SPATA13: variants seen among roughly 807,000 people sequenced by gnomAD.
The protein encoded by SPATA13 is spermatogenesis associated 13.
In SPATA13, 50 loss-of-function variants were observed where a neutral mutation model predicts 104.0. That is an observed-to-expected ratio of 0.48 (90% CI 0.38 to 0.61). The LOEUF is 0.61. Ranked by LOEUF, SPATA13 falls within the 20% of genes least tolerant of loss-of-function variation. SPATA13 has a pLI of 0.00. For synonymous variants in SPATA13, 606 were observed against 667.5 expected (o/e 0.91, Z 1.42); for missense variants, 1,524 against 1,690.6 (o/e 0.90, Z 1.73).
chr13:24,089,274 C>T (rs1459006712), intron 3 of SPATA13, among the ~76,000 whole-genome samples: 1 of 152,156 alleles, frequency 6.6e-6, no homozygotes, highest in Non-Finnish European at 1.5e-5. Context: ...TGGTCATAAC[C>T]CATGAGCAGT....
At chr13:24,014,088 G>A (rs1043855697) in intron 2 of SPATA13, among the ~76,000 whole-genome samples, 7 of 152,126 alleles carry the variant, frequency 4.6e-5, no homozygotes, top group East Asian at 1.9e-4. Context: ...GGTTTGCCTC[G>A]CTGTCCTGGA....
In SPATA13 at chr13:24,103,543, A is replaced by AGG. The variant is rs1491107423; in HGVS notation, c.-112+85842_-112+85843insGG. On this transcript the variant is annotated intron_variant, in intron 3 of 14. Coordinates refer to the SPATA13 transcript ENST00000424834. Reference sequence around the variant, plus strand: ...CAGGGGAGGAGAGAGAGAGAGAGAGAAGAGAGAGAGAGAGAAGAAAATACA... The same window carrying AGG: ...CAGGGGAGGAGAGAGAGAGAGAGAGAGGAGAGAGAGAGAGAGAAGAAAATACA... 2.1e-5 allele frequency among the ~76,000 whole-genome samples: 3 copies of AGG among 140,764 alleles called. No individual in the cohort carries two copies. In the East Asian group the frequency reaches 6.3e-4, roughly 29 times the overall value. The allele number at this position is 140,764 out of a possible 152,430, so 92.3% of individuals were successfully genotyped here.
intron 4 of SPATA13, among the ~76,000 whole-genome samples, chr13:24,283,201 C>T (rs1566191332): frequency 6.6e-6 from 1 of 152,202 alleles, no homozygotes. Context: ...CTTTAAAATC[C>T]TGCCACTTGC....
At chr13:24,005,852 G>A (rs1183403978) in intron 2 of SPATA13, among the ~76,000 whole-genome samples, 4 of 152,214 alleles carry the variant, frequency 2.6e-5, no homozygotes, top group Non-Finnish European at 5.9e-5. Flanking sequence ...GCACACAGCA[G>A]CATAGCTGAC....
intron 3 of SPATA13, among the ~76,000 whole-genome samples, chr13:24,024,225 T>C (rs1877102698): frequency 6.6e-6 from 1 of 152,184 alleles, no homozygotes; most frequent in Admixed American, 6.5e-5. Context: ...ATCCACAGTT[T>C]CCTGATCCAT....
chr13:24,304,683 G>A lies in SPATA13; in HGVS notation c.*1910G>A, dbSNP rs765839636. ...TGTGACCGCCTGATGTCCATTCTGA[G>A]CCACCTTGGCACACATGCTTACAGG... On this transcript the variant is annotated 3_prime_UTR_variant, in exon 13 of 13. Transcript: ENST00000382108. 3.9e-5 allele frequency: 6 copies of A among 152,230 alleles called. No homozygotes were observed. Among genetic ancestry groups the A allele is most frequent in the Non-Finnish European group, 8.8e-5 (6 of 68,052 alleles). 9.4% of individuals were successfully genotyped at this position (152,230 alleles called of 1,614,324 possible). A position where few individuals can be genotyped will look rare whatever the true frequency, so the allele number is the denominator to read the frequency against.
chr13:24,122,546 C>T (rs552463696), intron 3 of SPATA13: 27 of 1,568,232 alleles, frequency 1.7e-5, no homozygotes, highest in Non-Finnish European at 8.8e-7. Flanking sequence ...CAGTGCCACG[C>T]CCTTTGCACT....
chr13:24,201,904 C>T (rs1252039761), intron 1 of SPATA13, among the ~76,000 whole-genome samples: 1 of 152,170 alleles, frequency 6.6e-6, no homozygotes, highest in Non-Finnish European at 1.5e-5. Flanking sequence ...TCTTTTTAGT[C>T]TCCATAGTTT....
At chr13:24,143,450 C>T (rs1881827430) in intron 3 of SPATA13, among the ~76,000 whole-genome samples, 2 of 152,222 alleles carry the variant, frequency 1.3e-5, no homozygotes, top group Non-Finnish European at 1.5e-5. Context: ...CAGCTGCTGG[C>T]AGTGCTCTCA....
intron 9 of SPATA13, among the ~76,000 whole-genome samples, chr13:24,292,995 C>CAAA (rs34221097): frequency 0.029 from 687 of 23,906 alleles, 287 homozygotes; most frequent in African/African-American, 0.055. Flanking sequence ...GACTTTGTCT[C>CAAA]AAAAAAAAAA....
chr13:24,199,050 A>G (rs1870252672), intron 1 of SPATA13, among the ~76,000 whole-genome samples: 1 of 149,792 alleles, frequency 6.7e-6, no homozygotes, highest in Non-Finnish European at 1.5e-5. Context: ...CACCACTCTC[A>G]GCTAATTTTT....
rs192829949 is a variant in SPATA13, at chr13:24,104,826, C to T, written c.-112+87125C>T. 2.0e-5 allele frequency among the ~76,000 whole-genome samples: 3 copies of T among 152,336 alleles called. No individual in the cohort carries two copies. In the East Asian group the frequency reaches 5.8e-4, roughly 29 times the overall value. On this transcript the variant is annotated intron_variant, in intron 3 of 14. Transcript: ENST00000424834. ...AGTCCTAATTTTCTTAGCCTGGCTG[C>T]AGCCTCCTCTCCAGTTTTATTCATG...
chr13:24,079,729 T>C (rs569619205), intron 3 of SPATA13, among the ~76,000 whole-genome samples: 2 of 152,326 alleles, frequency 1.3e-5, no homozygotes, highest in East Asian at 3.9e-4. Context: ...TGTGCAATTA[T>C]ATATCATTAG....
At position 24,245,614 on chromosome 13, in the gene SPATA13, A is replaced by G. The variant is rs1347800643; in HGVS notation, c.1654-3863A>G. Among the ~76,000 whole-genome samples, 3 of 127,384 alleles carry G rather than the reference A, an allele frequency of 2.4e-5. 1 individual carries two copies. Among genetic ancestry groups the G allele is most frequent in the South Asian group, 5.3e-4 (2 of 3,788 alleles). The allele number at this position is 127,384 out of a possible 152,430, so 83.6% of individuals were successfully genotyped here. ...TTTTTTTTTTTTTTTTTTTTAGACA[A>G]CAGGTCTTGCTTTGTTGCCCAGGCT... is the stretch of plus-strand genomic sequence containing the variant. On this transcript the variant is annotated intron_variant, in intron 2 of 12. Transcript: ENST00000382108.
chr13:24,226,339 G>C (rs1871941115), intron 2 of SPATA13, among the ~76,000 whole-genome samples: 1 of 152,154 alleles, frequency 6.6e-6, no homozygotes, highest in Admixed American at 6.5e-5. Context: ...AATGAATTAG[G>C]AACATGCAGT....
intron 3 of SPATA13, among the ~76,000 whole-genome samples, chr13:24,134,453 T>C (rs1881490748): frequency 6.6e-6 from 1 of 152,140 alleles, no homozygotes; most frequent in African/African-American, 2.4e-5. Context: ...GCCTGCTACA[T>C]AGAGGTCGTA....
chr13:23,990,690 C>T (rs1875371138), intron 2 of SPATA13, among the ~76,000 whole-genome samples: 1 of 152,174 alleles, frequency 6.6e-6, no homozygotes. Context: ...AAGGGTGCAC[C>T]CCACGAAGCT....
chr13:24,148,227 G>A (rs2138467163), intron 3 of SPATA13, among the ~76,000 whole-genome samples: 1 of 152,226 alleles, frequency 6.6e-6, no homozygotes, highest in South Asian at 2.1e-4. Flanking sequence ...AACTGCCTAT[G>A]TCTTTTGATT....
rs1222166962 is a variant in SPATA13, at chr13:24,300,406, G to A, written c.3589G>A (p.Glu1197Lys). 6.2e-7 allele frequency: 1 copy of A among 1,612,958 alleles called. No homozygotes were observed. The highest frequency in any genetic ancestry group is 2.2e-5 in the East Asian group (1 of 44,876). The change falls in exon 12 of 13, where the codon GAA (glutamate) becomes AAA (lysine). Residue 1197 changes from glutamate (E) to lysine (K), a missense_variant. Transcript: ENST00000382108. ...ACATTTATTTCTAAATGCAGGAATG[G>A]AAATTTCAGAAAACCAGAAGAAACT... ...RVQEDKEMGM[E>K]ISENQKKLAM... is the part of the protein sequence containing the mutation.
Sources: gnomAD v4.1 joint callset for allele counts (sites outside exome capture counted in the v4.1 genomes callset) on GRCh38, gnomAD v4.1.1 for gene constraint, MANE v1.5 for transcripts, NCBI Gene and HGNC (gene_info 2026-07-23, HGNC 2026-07-21) for gene names.